The following NDUFS1 variants were observed in gnomAD, a reference collection of about 807,000 sequenced individuals.
NDUFS1 encodes NADH-ubiquinone oxidoreductase 75 kDa subunit, mitochondrial.
NDUFS1 carries 61 observed loss-of-function variants against 84.4 expected under a neutral mutation model. That is an observed-to-expected ratio of 0.72 (90% CI 0.59 to 0.89). The LOEUF is 0.89. NDUFS1 is among the 40% of genes least tolerant of loss of function. NDUFS1 has a pLI of 0.00. For synonymous variants in NDUFS1, 275 were observed against 290.0 expected, an observed-to-expected ratio of 0.95 and a Z score of 0.53; for missense variants, 891 against 890.0, an observed-to-expected ratio of 1.00 and a Z score of -0.01.
At chr2:206,145,095 C>A in intron 8 of NDUFS1, 69 bp from the exon 9 acceptor site, 3 of 1,484,492 alleles carry the variant, frequency 2.0e-6, no homozygotes, top group Middle Eastern at 1.8e-4. Context: ...ACCTGGTTTA[C>A]CAAAAAATTT....
intron 3 of NDUFS1, among the ~76,000 whole-genome samples, chr2:206,152,020 G>A (rs979518023): frequency 6.6e-6 from 1 of 152,004 alleles, no homozygotes; most frequent in Non-Finnish European, 1.5e-5. Context: ...TGCGCGCCAC[G>A]ATGCGCAGCT....
chr2:206,142,723 A>C lies in NDUFS1; in HGVS notation c.1096T>G (p.Leu366Val). 1 of 1,614,180 alleles carries C rather than the reference A, an allele frequency of 6.2e-7. No individual in the cohort carries two copies. The highest frequency in any genetic ancestry group is 8.5e-7 in the Non-Finnish European group (1 of 1,180,020). Reference sequence around the variant, plus strand: ...GTGGGGAAGACCTCTTCAGTGCATAAGGTGTCAGAGTCCACTCTATTAAGC... The same window carrying C: ...GTGGGGAAGACCTCTTCAGTGCATACGGTGTCAGAGTCCACTCTATTAAGC... ...DLLNRVDSDT[L>V]CTEEVFPTAG... The change falls in exon 11 of 19, where the codon TTA (leucine) becomes GTA (valine). Residue 366 changes from leucine (L) to valine (V), a missense_variant. By Grantham distance (32) the Leu-to-Val change is conservative (BLOSUM62 1). Transcript: ENST00000233190.
At chr2:206,136,446 T>TG (rs1361817370) in intron 13 of NDUFS1, among the ~76,000 whole-genome samples, 1 of 149,704 alleles carries the variant, frequency 6.7e-6, no homozygotes, top group Non-Finnish European at 1.5e-5. Flanking sequence ...TTGTTTTTTT[T>TG]TTTTTGAGAT....
In NDUFS1 at chr2:206,123,056, T is replaced by C. The variant is rs1307750950; in HGVS notation, c.*1129A>G. The C allele has an allele frequency of 1.3e-5, 2 of 152,154 alleles. No individual in the cohort carries two copies. The highest frequency in any genetic ancestry group is 4.8e-5 in the African/African-American group (2 of 41,442). 9.4% of individuals were successfully genotyped at this position (152,154 alleles called of 1,614,324 possible). A position where few individuals can be genotyped will look rare whatever the true frequency, so the allele number is the denominator to read the frequency against. On this transcript the variant is annotated 3_prime_UTR_variant, in exon 19 of 19. Transcript: ENST00000233190. ...AACCTTAGATTAAAAAAAAAAATTA[T>C]CTATTTTTAATTATCTCCTAATTGT...
At chr2:206,155,352 T>G (rs1423097517) in intron 1 of NDUFS1, among the ~76,000 whole-genome samples, 1 of 152,076 alleles carries the variant, frequency 6.6e-6, no homozygotes, top group Non-Finnish European at 1.5e-5. Flanking sequence ...CCTGACCTCA[T>G]GATCCAGTCA....
At chr2:206,149,191 T>G (rs938668435) in intron 4 of NDUFS1, 95 bp from the exon 5 acceptor site, 1 of 918,860 alleles carries the variant, frequency 1.1e-6, no homozygotes, top group Non-Finnish European at 1.7e-6. Flanking sequence ...ATAAAAACAT[T>G]AAATTATACA....
At position 206,149,224 on chromosome 2, in the gene NDUFS1, G is replaced by C. The variant is rs140140411; in HGVS notation, c.262-128C>G. ...ACATTTGATAACAGGCAAAGAATAGGGTATTTTTTAAAACTGAATTTTGTT... is the reference window on the plus strand; with the variant it reads ...ACATTTGATAACAGGCAAAGAATAGCGTATTTTTTAAAACTGAATTTTGTT... On this transcript the variant is annotated intron_variant, in intron 4 of 18. Coordinates refer to ENST00000233190, the MANE Select transcript of NDUFS1 (RefSeq NM_005006.7). 4.0e-5 allele frequency: 29 copies of C among 726,974 alleles called. No individual in the cohort carries two copies. In the African/African-American group the frequency reaches 4.1e-4, roughly 10 times the overall value. 45.0% of individuals were successfully genotyped at this position (726,974 alleles called of 1,614,324 possible).
At chr2:206,127,660 T>C (rs1037684252) in intron 16 of NDUFS1, 137 bp downstream of exon 16, 3 of 936,810 alleles carry the variant, frequency 3.2e-6, no homozygotes, top group South Asian at 1.5e-5. Flanking sequence ...TCTGAATACA[T>C]GTTTTCTATA....
intron 8 of NDUFS1, among the ~76,000 whole-genome samples, 199 bp from the exon 9 acceptor site, chr2:206,145,225 C>T: frequency 6.6e-6 from 1 of 152,056 alleles, no homozygotes; most frequent in Admixed American, 6.6e-5. Context: ...GTTGCCCAGG[C>T]TACAGTGGCA....
chr2:206,127,625 C>T, intron 16 of NDUFS1, 172 bp downstream of exon 16: 1 of 681,306 alleles, frequency 1.5e-6, no homozygotes. Context: ...GCAATGAGAG[C>T]TCACTGTAAC....
At chr2:206,149,196 T>A in intron 4 of NDUFS1, 100 bp from the exon 5 acceptor site, 1 of 901,162 alleles carries the variant, frequency 1.1e-6, no homozygotes, top group Non-Finnish European at 1.7e-6. Flanking sequence ...AACATTAAAT[T>A]ATACATTTGA....
In NDUFS1 at chr2:206,126,805, C is replaced by G. The variant is rs1247319094; in HGVS notation, c.1924G>C (p.Val642Leu). The G allele has an allele frequency of 6.2e-7, 1 of 1,614,146 alleles. No individual in the cohort carries two copies. The highest frequency in any genetic ancestry group is 8.5e-7 in the Non-Finnish European group (1 of 1,180,016). ...MTLPYDTLDQ[V>L]RNRLEEVSPN... ...GAGACTTCTTCCAATCTGTTCCTTA[C>G]TTGATCCAGAGTATCATATGGAAGA... The change falls in exon 17 of 19, where the codon GTA becomes CTA. Residue 642 changes from valine (V) to leucine (L), a missense_variant. Physicochemically the swap from Val to Leu is conservative, Grantham distance 32 (BLOSUM62 1). Transcript: ENST00000233190.
In NDUFS1 at chr2:206,122,645, AC is replaced by A. The variant is rs911740303; in HGVS notation, c.*1539del. ...ACTCCATCTCAAAAAAAAAAAAAAA[AC>A]AAAGGGAAAAAGGGCATCCTATACT... On this transcript the variant is annotated 3_prime_UTR_variant, in exon 19 of 19. Transcript: ENST00000233190. 2 of 151,426 alleles carry A rather than the reference AC, an allele frequency of 1.3e-5. No homozygotes were observed. The highest frequency in any genetic ancestry group is 2.4e-5 in the African/African-American group (1 of 41,126). 9.4% of individuals were successfully genotyped at this position (151,426 alleles called of 1,614,324 possible).
intron 1 of NDUFS1, 130 bp downstream of exon 1, chr2:206,159,211 G>A: frequency 6.8e-7 from 1 of 1,471,318 alleles, no homozygotes; most frequent in Non-Finnish European, 9.2e-7. Flanking sequence ...TTCCGAGGCG[G>A]CGGGGCGGGA....
Position 206,142,084 on chromosome 2 carries a change from T to C in NDUFS1, c.1134-15A>G, listed in dbSNP as rs201078641. On this transcript the variant is annotated splice_polypyrimidine_tract_variant and intron_variant, in intron 11 of 18. Transcript: ENST00000233190. ...GCAAATCTGTGCTAGAAATACAATA[T>C]ATAAAATGCAAATTTACTTTAAAAT... The C allele has an allele frequency of 8.7e-5, 137 of 1,568,698 alleles. No individual in the cohort carries two copies. The highest frequency in any genetic ancestry group is 1.1e-4 in the Non-Finnish European group (123 of 1,139,182).
rs147006659 is a variant in NDUFS1, at chr2:206,151,229, T to C, written c.153+1190A>G. On this transcript the variant is annotated intron_variant, in intron 3 of 18. Coordinates refer to ENST00000233190, the MANE Select transcript of NDUFS1 (RefSeq NM_005006.7). Reference sequence around the variant, plus strand: ...AATATAAGCTCTTCTGCATAGCAGATACTGTATTTCATGACTGGACCTTCC... The same window carrying C: ...AATATAAGCTCTTCTGCATAGCAGACACTGTATTTCATGACTGGACCTTCC... 3.3e-4 allele frequency among the ~76,000 whole-genome samples: 51 copies of C among 152,348 alleles called. No homozygotes were observed. In the East Asian group the frequency reaches 6.9e-3, roughly 21 times the overall value.
intron 15 of NDUFS1, among the ~76,000 whole-genome samples, chr2:206,129,019 T>C (rs1267743202): frequency 6.6e-6 from 1 of 151,782 alleles, no homozygotes; most frequent in Non-Finnish European, 1.5e-5. Flanking sequence ...AACGAAAAAC[T>C]ACAGAAAAAT....
At position 206,120,785 on chromosome 2, in the gene NDUFS1, A is replaced by T. The variant is rs1691073595; in HGVS notation, c.*3400T>A. 1 of 152,226 alleles carries T rather than the reference A, an allele frequency of 6.6e-6. No individual in the cohort carries two copies. The highest frequency in any genetic ancestry group is 2.1e-4 in the South Asian group (1 of 4,832). 9.4% of individuals were successfully genotyped at this position (152,226 alleles called of 1,614,324 possible). ...GACTAGTCATGTGGCAGAGAAGGAA[A>T]AAGCACTTTGAGGAGAGGAATACAA... On this transcript the variant is annotated 3_prime_UTR_variant, in exon 19 of 19. Transcript: ENST00000233190.
chr2:206,136,858 C>T (rs1440704448), intron 13 of NDUFS1, among the ~76,000 whole-genome samples: 3 of 151,796 alleles, frequency 2.0e-5, no homozygotes, highest in East Asian at 3.9e-4. Context: ...CAGGTTCAAG[C>T]GATTCTCCTG....
Sources: gnomAD v4.1 joint callset for allele counts (sites outside exome capture counted in the v4.1 genomes callset) on GRCh38, gnomAD v4.1.1 for gene constraint, MANE v1.5 for transcripts, NCBI Gene and HGNC (gene_info 2026-07-23, HGNC 2026-07-21) for gene names.